Variants in SNX13 observed in about 807,000 individuals in gnomAD.
SNX13 encodes sorting nexin 13, also known as sorting nexin-13.
In SNX13, 45 loss-of-function variants were observed where a neutral mutation model predicts 133.6. That is an observed-to-expected ratio of 0.34 (90% CI 0.27 to 0.43). The LOEUF (loss-of-function observed/expected upper bound fraction) is 0.43. Among genes scored for constraint, SNX13 ranks in the 20% least tolerant of loss-of-function variants. SNX13 has a pLI of 1.00. For synonymous variants in SNX13, 414 were observed against 373.9 expected, an observed-to-expected ratio of 1.11 and a Z score of -1.24; for missense variants, 1,032 against 1,145.1, an observed-to-expected ratio of 0.90 and a Z score of 1.43.
intron 1 of SNX13, among the ~76,000 whole-genome samples, chr7:17,915,230 T>G (rs1371928047): frequency 1.3e-5 from 2 of 152,148 alleles, no homozygotes; most frequent in Non-Finnish European, 2.9e-5. Context: ...TTACTACTGT[T>G]AGGGACAAGC....
intron 13 of SNX13, among the ~76,000 whole-genome samples, chr7:17,837,916 A>G (rs900984243): frequency 1.3e-5 from 2 of 151,734 alleles, no homozygotes; most frequent in African/African-American, 4.8e-5. Context: ...ATCACAACCT[A>G]CATGTATCAT....
intron 25 of SNX13, chr7:17,795,278 C>T (rs1369464297): frequency 1.3e-5 from 2 of 151,462 alleles, no homozygotes; most frequent in South Asian, 2.1e-4. Context: ...AATAATTATT[C>T]ATAATACTGA....
At chr7:17,831,037 G>C in intron 15 of SNX13, 2 of 984,208 alleles carry the variant, frequency 2.0e-6, no homozygotes. Context: ...AAGTAAAATA[G>C]TTATCTATCC....
At chr7:17,899,821 T>C (rs910996611) in intron 1 of SNX13, 1 of 152,144 alleles carries the variant, frequency 6.6e-6, no homozygotes, top group Non-Finnish European at 1.5e-5. Flanking sequence ...ATTTAGTCCA[T>C]TTGGTGAGGC....
chr7:17,892,801 C>A (rs1240478173), intron 3 of SNX13, among the ~76,000 whole-genome samples: 1 of 152,120 alleles, frequency 6.6e-6, no homozygotes, highest in Non-Finnish European at 1.5e-5. Flanking sequence ...GAAGGCACTA[C>A]AATCTGAAAC....
At chr7:17,807,607 G>C (rs187733319) in intron 20 of SNX13, among the ~76,000 whole-genome samples, 5 of 152,218 alleles carry the variant, frequency 3.3e-5, no homozygotes, top group Non-Finnish European at 7.3e-5. Flanking sequence ...CACAGCGATC[G>C]AGCTCTGCTA....
chr7:17,856,340 A>T (rs1791879972), intron 9 of SNX13, among the ~76,000 whole-genome samples: 1 of 152,242 alleles, frequency 6.6e-6, no homozygotes, highest in Admixed American at 6.5e-5. Flanking sequence ...AAAAGCAAGA[A>T]ATTAAAACAT....
At position 17,805,263 on chromosome 7, in the gene SNX13, G is replaced by GCA. The variant is rs1197437073; in HGVS notation, c.2065-1684_2065-1683insTG. Reference sequence around the variant, plus strand: ...TGTGTGTGTGTGTGCGTGCGCGCGCGCGCATGCATGCACATGTGTAATTCT... The same window carrying GCA: ...TGTGTGTGTGTGTGCGTGCGCGCGCGCACGCATGCATGCACATGTGTAATTCT... On this transcript the variant is annotated intron_variant, in intron 20 of 25. Transcript: ENST00000428135. Among the ~76,000 whole-genome samples, 219 of 148,266 alleles carry GCA rather than the reference G, an allele frequency of 1.5e-3. 3 individuals are homozygous for GCA. The highest frequency in any genetic ancestry group is 3.4e-3 in the Middle Eastern group (1 of 290).
chr7:17,884,989 T>G (rs1391808512), intron 5 of SNX13, among the ~76,000 whole-genome samples: 1 of 152,172 alleles, frequency 6.6e-6, no homozygotes, highest in African/African-American at 2.4e-5. Context: ...AGAAATTATA[T>G]TCCTAGGTAT....
intron 12 of SNX13, among the ~76,000 whole-genome samples, chr7:17,840,898 G>C (rs1174566489): frequency 6.6e-6 from 1 of 152,010 alleles, no homozygotes; most frequent in East Asian, 1.9e-4. Flanking sequence ...ATCTAATGAA[G>C]ATTTGCAACA....
In SNX13 at chr7:17,868,507, T is replaced by C; in HGVS notation, c.754-17A>G. 1 of 1,570,788 alleles carries C rather than the reference T, an allele frequency of 6.4e-7. No homozygotes were observed. The highest frequency in any genetic ancestry group is 1.8e-5 in the Admixed American group (1 of 54,380). ...AAGGATTTCCTGAAAAAAAAGTAAA[T>C]AACAAAAACAAATTTAATCTATTTC... On this transcript the variant is annotated splice_polypyrimidine_tract_variant and intron_variant, in intron 8 of 25. Transcript: ENST00000428135.
Position 17,792,122 on chromosome 7 carries a change from T to C in SNX13, c.*1923A>G, listed in dbSNP as rs1389170871. The C allele has an allele frequency of 2.0e-5, 3 of 152,180 alleles. No homozygotes were observed. Among genetic ancestry groups the C allele is most frequent in the Middle Eastern group, 3.4e-3 (1 of 294 alleles). 9.4% of individuals were successfully genotyped at this position (152,180 alleles called of 1,614,324 possible). ...GTCTTACATGAATTATTCTGTATAC[T>C]GTTAGATTTATTCATGTCAAAAATA... On this transcript the variant is annotated 3_prime_UTR_variant, in exon 26 of 26. Coordinates refer to ENST00000428135, the MANE Select transcript of SNX13 (RefSeq NM_015132.5).
chr7:17,802,018 T>C (rs530601639), intron 21 of SNX13, among the ~76,000 whole-genome samples: 14 of 152,146 alleles, frequency 9.2e-5, no homozygotes, highest in East Asian at 3.9e-4. Flanking sequence ...TCCCATAAGA[T>C]TGTAATACTA....
chr7:17,913,832 G>A (rs942327966), intron 1 of SNX13, among the ~76,000 whole-genome samples: 4 of 145,830 alleles, frequency 2.7e-5, no homozygotes, highest in Admixed American at 2.1e-4. Context: ...CAAGAACTCC[G>A]ACAATACAAA....
At chr7:17,811,011 A>G (rs892019522) in intron 20 of SNX13, among the ~76,000 whole-genome samples, 5 of 152,232 alleles carry the variant, frequency 3.3e-5, no homozygotes, top group Admixed American at 6.5e-5. Flanking sequence ...TCTCAAAATA[A>G]TAAGAGCTAT....
At chr7:17,806,919 T>G (rs990473130) in intron 20 of SNX13, among the ~76,000 whole-genome samples, 1 of 152,154 alleles carries the variant, frequency 6.6e-6, no homozygotes, top group African/African-American at 2.4e-5. Flanking sequence ...ATGGTGATTT[T>G]TGGTCCAGAT....
Position 17,826,696 on chromosome 7 carries a change from A to C in SNX13, c.1636-605T>G, listed in dbSNP as rs565954844. On this transcript the variant is annotated intron_variant, in intron 16 of 25. Coordinates refer to ENST00000428135, the MANE Select transcript of SNX13 (RefSeq NM_015132.5). ...AGACTATGATAGATTTTAAATGATTAGTTTTCAAAAACAATTCCACAAACA... is the reference window on the plus strand; with the variant it reads ...AGACTATGATAGATTTTAAATGATTCGTTTTCAAAAACAATTCCACAAACA... Among the ~76,000 whole-genome samples, 55 of 152,256 alleles carry C rather than the reference A, an allele frequency of 3.6e-4. 2 individuals carry two copies. In the South Asian group the frequency reaches 9.1e-3, roughly 25 times the overall value.
At chr7:17,879,635 G>A (rs4142995) in intron 5 of SNX13, 2 of 152,050 alleles carry the variant, frequency 1.3e-5, no homozygotes, top group Non-Finnish European at 1.5e-5. Flanking sequence ...GCAAGTAAAG[G>A]CCCAAATATG....
chr7:17,839,883 T>C lies in SNX13; in HGVS notation c.1283A>G (p.Lys428Arg), dbSNP rs1482110674. 6.2e-7 allele frequency: 1 copy of C among 1,612,010 alleles called. No homozygotes were observed. Among genetic ancestry groups the C allele is most frequent in the Non-Finnish European group, 8.5e-7 (1 of 1,178,690 alleles). ...EVLLSRQRDGKHQTNQTKGLL... is the reference protein window; with the variant it reads ...EVLLSRQRDGRHQTNQTKGLL... ...ACCTTTGGTTTGGTTGGTTTGATGT[T>C]TTCCATCTCTCTGACGACTTAATAA... The change falls in exon 13 of 26, where the codon AAA becomes AGA. Residue 428 changes from lysine to arginine, a missense_variant. Lys to Arg is a conservative substitution (Grantham distance 26). Coordinates refer to ENST00000428135, the MANE Select transcript of SNX13 (RefSeq NM_015132.5).
Sources: allele counts gnomAD v4.1 joint callset (sites outside exome capture counted in the v4.1 genomes callset), GRCh38; gene constraint gnomAD v4.1.1; transcripts MANE v1.5; gene names NCBI Gene and HGNC (gene_info 2026-07-23, HGNC 2026-07-21).